DCHS2: variants seen among roughly 807,000 people sequenced by gnomAD.
The protein encoded by DCHS2 is dachsous cadherin-related 2.
In DCHS2, 142 loss-of-function variants were observed where a neutral mutation model predicts 182.4. The ratio of observed to expected loss-of-function variants is 0.78; its 90% CI spans 0.68 to 0.89. The LOEUF (loss-of-function observed/expected upper bound fraction) is 0.89. Among genes scored for constraint, DCHS2 ranks in the 40% least tolerant of loss-of-function variants. The pLI, the probability that DCHS2 is intolerant of heterozygous loss-of-function variation, is 0.00. For synonymous variants in DCHS2, 1,740 were observed against 1,663.3 expected (o/e 1.05, Z -1.12); for missense variants, 4,319 against 4,198.6 (o/e 1.03, Z -0.79).
intron 1 of DCHS2, among the ~76,000 whole-genome samples, chr4:154,463,156 A>AGT (rs1449627474): frequency 4.1e-4 from 28 of 68,756 alleles, no homozygotes; most frequent in South Asian, 8.8e-4. Flanking sequence ...TATATATATA[A>AGT]GTGTGTGTAT....
chr4:154,271,242 A>G (rs1250611872), intron 13 of DCHS2, among the ~76,000 whole-genome samples: 1 of 152,142 alleles, frequency 6.6e-6, no homozygotes, highest in Non-Finnish European at 1.5e-5. Flanking sequence ...AGCCAGGGAG[A>G]TAAGTGTGGC....
chr4:154,407,127 G>A (rs940170691), intron 1 of DCHS2, among the ~76,000 whole-genome samples: 4 of 152,174 alleles, frequency 2.6e-5, no homozygotes, highest in Admixed American at 6.5e-5. Flanking sequence ...ACATGAGGGA[G>A]GACAGGATAC....
At chr4:154,250,428 A>G (rs897481009) in intron 16 of DCHS2, among the ~76,000 whole-genome samples, 4 of 152,150 alleles carry the variant, frequency 2.6e-5, no homozygotes, top group African/African-American at 9.7e-5. Context: ...TCTCAAATCC[A>G]TATCTTGAGT....
intron 2 of DCHS2, among the ~76,000 whole-genome samples, 157 bp downstream of exon 2, chr4:154,377,096 G>A (rs555120171): frequency 2.0e-5 from 3 of 152,272 alleles, no homozygotes; most frequent in African/African-American, 7.2e-5. Context: ...GAAATAACAT[G>A]CTGGATATTT....
Position 154,333,338 on chromosome 4 carries a change from G to A in DCHS2, c.2870C>T (p.Ala957Val). The A allele has an allele frequency of 6.2e-7, 1 of 1,614,092 alleles. No homozygotes were observed. Among genetic ancestry groups the A allele is most frequent in the South Asian group, 1.1e-5 (1 of 91,084 alleles). ...GACCTCGGTGCTGCTGCAGGCTGGGGCGCTGCCGAGCTGCGCCTGCACCGT... is the reference window on the plus strand; with the variant it reads ...GACCTCGGTGCTGCTGCAGGCTGGGACGCTGCCGAGCTGCGCCTGCACCGT... ...VLTVQAQLGS[A>V]PACSSTEVNI... The change falls in exon 5 of 20, where the codon GCC becomes GTC. Residue 957 changes from alanine (A) to valine (V), a missense_variant. Ala to Val is a moderately conservative substitution (Grantham distance 64). Coordinates refer to ENST00000357232, the MANE Select transcript of DCHS2 (RefSeq NM_001358235.2).
chr4:154,293,434 G>A (rs559889154), intron 13 of DCHS2, among the ~76,000 whole-genome samples: 2 of 152,174 alleles, frequency 1.3e-5, no homozygotes, highest in South Asian at 2.1e-4. Context: ...CACCCACCCC[G>A]GCTTCCCAAA....
intron 7 of DCHS2, among the ~76,000 whole-genome samples, chr4:154,325,973 G>A (rs937647749): frequency 6.6e-6 from 1 of 152,186 alleles, no homozygotes; most frequent in African/African-American, 2.4e-5. Flanking sequence ...TGCCATGTAT[G>A]AAATTCTATT....
intron 6 of DCHS2, among the ~76,000 whole-genome samples, chr4:154,328,653 G>A (rs1326484354): frequency 6.6e-6 from 1 of 152,168 alleles, no homozygotes; most frequent in African/African-American, 2.4e-5. Context: ...ATGTTGAAAT[G>A]CACATGTGAA....
At chr4:154,314,333 A>G (rs1159605522) in intron 10 of DCHS2, among the ~76,000 whole-genome samples, 1 of 152,178 alleles carries the variant, frequency 6.6e-6, no homozygotes, top group Non-Finnish European at 1.5e-5. Context: ...AAGCTTATGT[A>G]TATTCTTCAT....
chr4:154,373,425 A>G (rs996563607), intron 2 of DCHS2, among the ~76,000 whole-genome samples: 5 of 152,204 alleles, frequency 3.3e-5, no homozygotes, highest in South Asian at 2.1e-4. Flanking sequence ...ATTTGTATAT[A>G]TGTTTACATA....
At chr4:154,346,498 T>C (rs923478237) in intron 3 of DCHS2, among the ~76,000 whole-genome samples, 2 of 37,542 alleles carry the variant, frequency 5.3e-5, no homozygotes, top group African/African-American at 1.0e-4. Context: ...AAAATCACTT[T>C]TGTGCCTTTG....
chr4:154,266,221 T>C (rs1156719693), intron 14 of DCHS2, among the ~76,000 whole-genome samples: 1 of 152,184 alleles, frequency 6.6e-6, no homozygotes, highest in Non-Finnish European at 1.5e-5. Context: ...AGGATCATCA[T>C]CTGCTTCAAG....
At position 154,333,507 on chromosome 4, in the gene DCHS2, G is replaced by A. The variant is rs778834452; in HGVS notation, c.2714-13C>T. 5.0e-6 allele frequency: 8 copies of A among 1,597,418 alleles called. No homozygotes were observed. Among genetic ancestry groups the A allele is most frequent in the South Asian group, 2.2e-5 (2 of 89,862 alleles). ...GGTTCTGAGGAGTCTGAAAAAGAGAGAGGGGACAACCACTGTATGTCAAAA... is the reference window on the plus strand; with the variant it reads ...GGTTCTGAGGAGTCTGAAAAAGAGAAAGGGGACAACCACTGTATGTCAAAA... On this transcript the variant is annotated splice_polypyrimidine_tract_variant and intron_variant, in intron 4 of 19. Coordinates refer to ENST00000357232, the MANE Select transcript of DCHS2 (RefSeq NM_001358235.2).
At chr4:154,341,882 T>C (rs926603128) in intron 3 of DCHS2, among the ~76,000 whole-genome samples, 18 of 152,184 alleles carry the variant, frequency 1.2e-4, no homozygotes, top group Non-Finnish European at 2.2e-4. Flanking sequence ...GGGTTAATTA[T>C]TTCCAGAAGC....
chr4:154,296,913 T>C (rs1430170712), intron 13 of DCHS2, among the ~76,000 whole-genome samples: 2 of 152,190 alleles, frequency 1.3e-5, no homozygotes, highest in Non-Finnish European at 2.9e-5. Flanking sequence ...AGCTATAAAA[T>C]GTTATTAAAT....
chr4:154,416,987 C>T (rs1339889759), intron 1 of DCHS2, among the ~76,000 whole-genome samples: 2 of 152,180 alleles, frequency 1.3e-5, no homozygotes, highest in Non-Finnish European at 2.9e-5. Flanking sequence ...CCTCCCATTA[C>T]CCTCTCCCAG....
At chr4:154,337,036 A>G (rs1218092239) in intron 3 of DCHS2, among the ~76,000 whole-genome samples, 1 of 152,200 alleles carries the variant, frequency 6.6e-6, no homozygotes, top group Admixed American at 6.5e-5. Flanking sequence ...TTTAGTAACC[A>G]TATTCACATC....
intron 3 of DCHS2, among the ~76,000 whole-genome samples, chr4:154,365,478 T>G (rs962441865): frequency 6.8e-6 from 1 of 146,800 alleles, no homozygotes; most frequent in African/African-American, 2.5e-5. Flanking sequence ...TACTTTTTTG[T>G]TTTTTTTTTG....
In DCHS2 at chr4:154,233,972, A is replaced by G. The variant is rs1731315551; in HGVS notation, c.*564T>C. The G allele has an allele frequency of 6.6e-6, 1 of 152,198 alleles. No individual in the cohort carries two copies. The highest frequency in any genetic ancestry group is 6.5e-5 in the Admixed American group (1 of 15,270). 9.4% of individuals were successfully genotyped at this position (152,198 alleles called of 1,614,324 possible). A position where few individuals can be genotyped will look rare whatever the true frequency, so the allele number is the denominator to read the frequency against. ...CCAAAAGACTCCACATTGAAATTCA[A>G]TTATGGCTAAACTCTACAGGTGTGG... On this transcript the variant is annotated 3_prime_UTR_variant, in exon 20 of 20. Coordinates refer to ENST00000357232, the MANE Select transcript of DCHS2 (RefSeq NM_001358235.2).
Sources: gnomAD v4.1 joint callset for allele counts (sites outside exome capture counted in the v4.1 genomes callset) on GRCh38, gnomAD v4.1.1 for gene constraint, MANE v1.5 for transcripts, NCBI Gene and HGNC (gene_info 2026-07-23, HGNC 2026-07-21) for gene names.